Variants in MCU observed in about 807,000 individuals in gnomAD.
The protein encoded by MCU is calcium uniporter protein, mitochondrial.
In MCU, 12 loss-of-function variants were observed where a neutral mutation model predicts 45.2. The ratio of observed to expected loss-of-function variants is 0.27; its 90% confidence interval spans 0.17 to 0.43. The LOEUF (loss-of-function observed/expected upper bound fraction) is 0.43, where lower values mean the gene tolerates loss of function less well. MCU is among the 20% of genes least tolerant of loss of function. MCU has a pLI of 1.00. For synonymous variants in MCU, 160 were observed against 165.1 expected (o/e 0.97, Z 0.24); for missense variants, 324 against 436.7 (o/e 0.74, Z 2.30).
chr10:72,764,167 C>T (rs890421252), intron 1 of MCU, among the ~76,000 whole-genome samples: 3 of 152,080 alleles, frequency 2.0e-5, no homozygotes, highest in African/African-American at 7.2e-5. Context: ...CTTTCAGTTC[C>T]ACTAAATGAT....
chr10:72,820,913 GTT>G (rs745599064), intron 1 of MCU, among the ~76,000 whole-genome samples: 2 of 145,764 alleles, frequency 1.4e-5, no homozygotes, highest in East Asian at 2.0e-4. Context: ...TCTGTTGTTG[GTT>G]TTTTTTTTTT....
At chr10:72,836,432 CTATA>C (rs1432838377) in intron 2 of MCU, among the ~76,000 whole-genome samples, 1 of 151,754 alleles carries the variant, frequency 6.6e-6, no homozygotes, top group African/African-American at 2.4e-5. Context: ...TTATATATAT[CTATA>C]TATAGGCTGT....
intron 1 of MCU, among the ~76,000 whole-genome samples, chr10:72,753,655 G>A (rs1164822854): frequency 6.6e-6 from 1 of 152,068 alleles, no homozygotes; most frequent in East Asian, 1.9e-4. Context: ...CTGGTAGATC[G>A]CTTGAGCCCA....
chr10:72,820,636 G>A (rs779928228), intron 1 of MCU, among the ~76,000 whole-genome samples: 2 of 151,540 alleles, frequency 1.3e-5, no homozygotes, highest in Admixed American at 6.6e-5. Context: ...TCAGTCTCTC[G>A]AGTAGCTGGG....
chr10:72,856,518 C>A (rs2132864536), intron 2 of MCU, among the ~76,000 whole-genome samples: 1 of 152,190 alleles, frequency 6.6e-6, no homozygotes, highest in East Asian at 1.9e-4. Flanking sequence ...AAGCTTGATG[C>A]ATTTTGGATT....
intron 1 of MCU, among the ~76,000 whole-genome samples, chr10:72,711,164 C>T (rs12355437): frequency 1.4e-5 from 2 of 147,584 alleles, no homozygotes; most frequent in Non-Finnish European, 3.0e-5. Flanking sequence ...GCAACAAGAG[C>T]GAAACTCTGT....
At chr10:72,779,490 AAAC>A (rs1205474891) in intron 1 of MCU, among the ~76,000 whole-genome samples, 1 of 152,246 alleles carries the variant, frequency 6.6e-6, no homozygotes, top group African/African-American at 2.4e-5. Context: ...GGAAGTAAAA[AAAC>A]AACCCACTAA....
At chr10:72,748,416 A>G (rs541788742) in intron 1 of MCU, among the ~76,000 whole-genome samples, 1 of 152,348 alleles carries the variant, frequency 6.6e-6, no homozygotes, top group East Asian at 1.9e-4. Context: ...GTCATATTGA[A>G]CAGTGTAGTT....
chr10:72,819,917 C>T (rs1009274783), intron 1 of MCU, among the ~76,000 whole-genome samples: 3 of 151,882 alleles, frequency 2.0e-5, no homozygotes, highest in Non-Finnish European at 4.4e-5. Context: ...TAGTGAGATA[C>T]TTGTTAACTC....
chr10:72,715,885 A>C, intron 1 of MCU: 1 of 985,636 alleles, frequency 1.0e-6, no homozygotes. Flanking sequence ...CACGCAGGGG[A>C]AACTTGAACA....
At chr10:72,827,111 CG>C (rs1844810122) in intron 1 of MCU, among the ~76,000 whole-genome samples, 1 of 152,124 alleles carries the variant, frequency 6.6e-6, no homozygotes, top group Non-Finnish European at 1.5e-5. Context: ...TCACAGATAA[CG>C]GGGGAATAGT....
At chr10:72,747,899 C>T (rs1023090030) in intron 1 of MCU, among the ~76,000 whole-genome samples, 5 of 151,232 alleles carry the variant, frequency 3.3e-5, no homozygotes, top group East Asian at 1.9e-4. Flanking sequence ...TTTTAGTAGC[C>T]GTATTTTAAA....
At chr10:72,789,362 A>T (rs1263023426) in intron 1 of MCU, among the ~76,000 whole-genome samples, 1 of 152,196 alleles carries the variant, frequency 6.6e-6, no homozygotes, top group Admixed American at 6.5e-5. Flanking sequence ...AGTGGTTGCC[A>T]TTACATATTA....
intron 1 of MCU, among the ~76,000 whole-genome samples, chr10:72,787,577 TGAG>T (rs1844093526): frequency 6.6e-6 from 1 of 152,018 alleles, no homozygotes; most frequent in Non-Finnish European, 1.5e-5. Flanking sequence ...CCAATTTCAT[TGAG>T]TTTACCTCTC....
At chr10:72,781,812 G>A (rs1843998623) in intron 1 of MCU, among the ~76,000 whole-genome samples, 1 of 151,548 alleles carries the variant, frequency 6.6e-6, no homozygotes, top group Non-Finnish European at 1.5e-5. Flanking sequence ...AGGTCTTTGC[G>A]ACTTGGCCAA....
intron 1 of MCU, among the ~76,000 whole-genome samples, chr10:72,777,617 C>T (rs1442643537): frequency 2.0e-5 from 3 of 152,174 alleles, no homozygotes. Context: ...TTGGGGAAAC[C>T]CTCCAGGGCA....
intron 2 of MCU, among the ~76,000 whole-genome samples, chr10:72,838,023 A>G (rs1844981151): frequency 6.8e-6 from 1 of 146,182 alleles, no homozygotes; most frequent in Admixed American, 6.8e-5. Flanking sequence ...CGCCTGGCTA[A>G]TTTTTTTTTT....
intron 6 of MCU, among the ~76,000 whole-genome samples, chr10:72,872,054 GTGT>G (rs532685069): frequency 0.012 from 1,880 of 152,154 alleles, 21 homozygotes; most frequent in Non-Finnish European, 0.014. Context: ...GAAAGGAAAG[GTGT>G]TGTTGTTGTT....
chr10:72,715,952 G>A (rs771189383), intron 1 of MCU: 3 of 919,562 alleles, frequency 3.3e-6, no homozygotes, highest in Non-Finnish European at 3.9e-6. Context: ...AAGCAAAACA[G>A]TTTATTTTGG....
Sources: allele counts gnomAD v4.1 joint callset (sites outside exome capture counted in the v4.1 genomes callset), GRCh38; gene constraint gnomAD v4.1.1; transcripts MANE v1.5; gene names NCBI Gene and HGNC (gene_info 2026-07-23, HGNC 2026-07-21).